ANKRD40: variants seen among roughly 807,000 people sequenced by gnomAD.
The protein encoded by ANKRD40 is ankyrin repeat domain 40.
In ANKRD40, 24 loss-of-function variants were observed where a neutral mutation model predicts 35.5. That is an observed-to-expected ratio of 0.68 (90% CI 0.49 to 0.95). ANKRD40 has a LOEUF of 0.95. Among genes scored for constraint, ANKRD40 ranks in the 40% least tolerant of loss-of-function variants. The probability of loss-of-function intolerance (pLI) is 0.00; values close to 1 mark genes in which losing one functional copy is unlikely to be tolerated. For synonymous variants in ANKRD40, 147 were observed against 173.5 expected (o/e 0.85, Z 1.20); for missense variants, 361 against 436.0 (o/e 0.83, Z 1.53).
At chr17:50,700,862 G>A (rs1968264639) in intron 1 of ANKRD40, 146 bp from the exon 2 acceptor site, 2 of 614,228 alleles carry the variant, frequency 3.3e-6, no homozygotes, top group Admixed American at 6.8e-5. Context: ...TTTTCACAAA[G>A]CCGATGAGCA....
rs1210848513 is a variant in ANKRD40, at chr17:50,695,879, C to CTA, written c.*116_*117dup. The CTA allele has an allele frequency of 4.0e-6, 5 of 1,256,844 alleles. No homozygotes were observed. Among genetic ancestry groups the CTA allele is most frequent in the Non-Finnish European group, 5.6e-6 (5 of 897,094 alleles). The allele number at this position is 1,256,844 out of a possible 1,614,324, so 77.9% of individuals were successfully genotyped here. On this transcript the variant is annotated 3_prime_UTR_variant, in exon 5 of 5. Transcript: ENST00000285243. ...CTTGGCAGAATGATGTTAGTATATA[C>CTA]TATGCAGTGGCACCAGAGGCCCTCC...
intron 3 of ANKRD40, 27 bp from the exon 4 acceptor site, chr17:50,697,148 G>T (rs764106883): frequency 8.2e-6 from 13 of 1,589,488 alleles, no homozygotes; most frequent in Non-Finnish European, 8.6e-6. Flanking sequence ...AAATGTTAAT[G>T]AATAGTTCTG....
Position 50,699,450 on chromosome 17 carries a change from G to T in ANKRD40, c.727C>A (p.Pro243Thr). The T allele has an allele frequency of 6.2e-7, 1 of 1,614,218 alleles. No individual in the cohort carries two copies. Among genetic ancestry groups the T allele is most frequent in the Non-Finnish European group, 8.5e-7 (1 of 1,180,034 alleles). The change falls in exon 3 of 5, where the codon CCA becomes ACA. Residue 243 changes from proline (P) to threonine (T), a missense_variant. Around this residue, in one of 5 missense-constraint regions of ANKRD40, gnomAD observed 5 missense variants for 16.8 expected, o/e 0.30. Coordinates refer to ENST00000285243, the MANE Select transcript of ANKRD40 (RefSeq NM_052855.4). ...GTGAAGAAAAATGGCTGGAATGCTG[G>T]CGCTGGTCCTGCATACGTCCCATTT... Reference protein sequence around the residue: ...PQNGTYAGPAPAFQPFFFTGA... With the variant: ...PQNGTYAGPATAFQPFFFTGA...
intron 1 of ANKRD40, among the ~76,000 whole-genome samples, chr17:50,704,598 C>A (rs1597869019): frequency 6.6e-6 from 1 of 151,238 alleles, no homozygotes; most frequent in Non-Finnish European, 1.5e-5. Context: ...TCCTATGGGG[C>A]AGACATTGTG....
chr17:50,699,061 A>C (rs1968233441), intron 3 of ANKRD40, among the ~76,000 whole-genome samples: 1 of 150,902 alleles, frequency 6.6e-6, no homozygotes, highest in Non-Finnish European at 1.5e-5. Flanking sequence ...TGGGAGGCTG[A>C]GGCAGAAGAA....
chr17:50,700,892 ATT>A (rs959477529), intron 1 of ANKRD40, 176 bp from the exon 2 acceptor site: 25 of 542,404 alleles, frequency 4.6e-5, no homozygotes, highest in African/African-American at 4.4e-4. Flanking sequence ...ATATGCTTAA[ATT>A]TTGTTTTTAA....
At chr17:50,698,791 A>C (rs1486628321) in intron 3 of ANKRD40, among the ~76,000 whole-genome samples, 1 of 152,146 alleles carries the variant, frequency 6.6e-6, no homozygotes, top group Non-Finnish European at 1.5e-5. Context: ...ATTACAGAAC[A>C]GCATTAGCTC....
chr17:50,696,291 A>T, intron 4 of ANKRD40, 148 bp from the exon 5 acceptor site: 1 of 901,432 alleles, frequency 1.1e-6, no homozygotes, highest in Non-Finnish European at 1.6e-6. Context: ...TGATAGTGCA[A>T]CTAAGGCCCC....
Position 50,707,567 on chromosome 17 carries a change from C to T in ANKRD40, c.88G>A (p.Val30Met). The change falls in exon 1 of 5, where the codon GTG becomes ATG. Residue 30 changes from valine (V) to methionine (M), a missense_variant. Coordinates refer to ENST00000285243, the MANE Select transcript of ANKRD40 (RefSeq NM_052855.4). The surrounding 1 kb of genome is among the most constrained non-coding windows in gnomAD (Gnocchi z 4.8). ...GAGTTCACATCCACCCCGCTCTCCA[C>T]CAGTTTCTGCACCTCCCGAATGTCC... ...LGDIREVQKL[V>M]ESGVDVNSQN... 1 of 1,608,946 alleles carries T rather than the reference C, an allele frequency of 6.2e-7. No individual in the cohort carries two copies. Among genetic ancestry groups the T allele is most frequent in the Non-Finnish European group, 8.5e-7 (1 of 1,177,516 alleles).
chr17:50,707,794 C>T lies in ANKRD40; in HGVS notation c.-140G>A. The T allele has an allele frequency of 4.1e-6, 2 of 488,806 alleles. No individual in the cohort carries two copies. Among genetic ancestry groups the T allele is most frequent in the Non-Finnish European group, 2.7e-6 (1 of 368,760 alleles). The allele number at this position is 488,806 out of a possible 1,614,324, so 30.3% of individuals were successfully genotyped here. ...CTCGCCCGCCCTGCTCGCGCCGCTG[C>T]CCGCGCCCGCCCCGGGACTTCCGCT... is the stretch of plus-strand genomic sequence containing the variant. On this transcript the variant is annotated 5_prime_UTR_variant, in exon 1 of 5. Transcript: ENST00000285243. This position sits in a 1 kb window ranked among gnomAD's most constrained non-coding sequence, Gnocchi z 4.8.
intron 2 of ANKRD40, 66 bp from the exon 3 acceptor site, chr17:50,699,959 G>C (rs975670113): frequency 1.4e-6 from 2 of 1,396,090 alleles, no homozygotes; most frequent in African/African-American, 2.9e-5. Context: ...GGTGTCTTTT[G>C]AAAGTGGTGT....
At chr17:50,699,956 T>C in intron 2 of ANKRD40, 63 bp from the exon 3 acceptor site, 1 of 1,399,368 alleles carries the variant, frequency 7.1e-7, no homozygotes, top group Non-Finnish European at 9.3e-7. Flanking sequence ...CAAGGTGTCT[T>C]TTGAAAGTGG....
At chr17:50,697,388 G>A (rs1968212563) in intron 3 of ANKRD40, among the ~76,000 whole-genome samples, 1 of 152,178 alleles carries the variant, frequency 6.6e-6, no homozygotes, top group Non-Finnish European at 1.5e-5. Context: ...AACCATTCCA[G>A]CTATGTAGAA....
intron 1 of ANKRD40, among the ~76,000 whole-genome samples, chr17:50,704,515 CAAAAAAAAA>C (rs892783050): frequency 1.0e-4 from 4 of 40,200 alleles, no homozygotes; most frequent in African/African-American, 1.8e-4. Flanking sequence ...AACTCCATCT[CAAAAAAAAA>C]AAAAAAAAAA....
Position 50,707,665 on chromosome 17 carries a change from C to CCCCAGGCCCCCG in ANKRD40, c.-23_-12dup, listed in dbSNP as rs770016206. On this transcript the variant is annotated 5_prime_UTR_variant, in exon 1 of 5. Transcript: ENST00000285243. The surrounding 1 kb of genome is among the most constrained non-coding windows in gnomAD (Gnocchi z 4.8). The stretch of plus-strand genomic sequence containing the variant: ...TAGGAGGGCGTTCATCTTCCCACAG[C>CCCCAGGCCCCCG]CCCAGGCCCCCGCCCAGGCCCGCCT... 1.3e-5 allele frequency: 19 copies of CCCCAGGCCCCCG among 1,516,614 alleles called. No individual in the cohort carries two copies. The highest frequency in any genetic ancestry group is 1.7e-4 in the Middle Eastern group (1 of 5,798). The allele number at this position is 1,516,614 out of a possible 1,614,324, so 93.9% of individuals were successfully genotyped here. A position where few individuals can be genotyped will look rare whatever the true frequency, so the allele number is the denominator to read the frequency against.
Position 50,699,602 on chromosome 17 carries a change from GC to G in ANKRD40, c.574del (p.Ala192ProfsTer22). The G allele has an allele frequency of 1.9e-6, 3 of 1,614,158 alleles. No homozygotes were observed. The highest frequency in any genetic ancestry group is 2.5e-6 in the Non-Finnish European group (3 of 1,180,036). ...LALVQNGDVS[A>X]PSAILRTPES... ...TGGTGTTCTGAGTATGGCAGAGGGGGCCGACACATCACCATTCTGAACTAGT... is the reference window on the plus strand; with the variant it reads ...TGGTGTTCTGAGTATGGCAGAGGGGGCGACACATCACCATTCTGAACTAGT... On this transcript the variant is annotated frameshift_variant, in exon 3 of 5. Transcript: ENST00000285243. LOFTEE classifies it high-confidence loss of function.
intron 3 of ANKRD40, among the ~76,000 whole-genome samples, chr17:50,697,633 A>C (rs1015486868): frequency 6.6e-6 from 1 of 152,260 alleles, no homozygotes; most frequent in East Asian, 1.9e-4. Flanking sequence ...AATAAAAGCT[A>C]AAGTATAACT....
At chr17:50,697,187 C>CT in intron 3 of ANKRD40, 66 bp from the exon 4 acceptor site, 1 of 1,426,148 alleles carries the variant, frequency 7.0e-7, no homozygotes, top group Non-Finnish European at 9.5e-7. Flanking sequence ...TGTTTAAGAT[C>CT]TTTTCCAGAA....
At position 50,707,449 on chromosome 17, in the gene ANKRD40, A is replaced by T. The variant is rs1968353841; in HGVS notation, c.134+72T>A. ...TAGCCAGGCGTCCCGCGCTGGGCCC[A>T]GGTCGCGACTGACTGCCCCACGCCT... On this transcript the variant is annotated intron_variant, in intron 1 of 4. Transcript: ENST00000285243. This position sits in a 1 kb window ranked among gnomAD's most constrained non-coding sequence, Gnocchi z 4.8. The T allele has an allele frequency of 9.0e-6, 14 of 1,547,668 alleles. No individual in the cohort carries two copies. Among genetic ancestry groups the T allele is most frequent in the Non-Finnish European group, 1.2e-5 (14 of 1,147,936 alleles).
Sources: gnomAD v4.1 joint callset for allele counts (sites outside exome capture counted in the v4.1 genomes callset) on GRCh38, gnomAD v4.1.1 for gene constraint, gnomAD v4.1.1 regional missense constraint, Gnocchi (gnomAD v3.1) non-coding constraint, MANE v1.5 for transcripts, NCBI Gene and HGNC (gene_info 2026-07-23, HGNC 2026-07-21) for gene names.